Variants in CDCP2 observed in about 807,000 individuals in gnomAD.
CDCP2 encodes the protein CUB domain containing protein 2.
In CDCP2, 31 loss-of-function variants were observed where a neutral mutation model predicts 31.0. The ratio of observed to expected loss-of-function variants is 1.00; its 90% CI spans 0.75 to 1.35. CDCP2 has a LOEUF of 1.35. CDCP2 is among the 40% of genes most tolerant of loss of function. CDCP2 has a pLI of 0.00. For synonymous variants in CDCP2, 206 were observed against 207.9 expected (o/e 0.99, Z 0.08); for missense variants, 443 against 482.6 (o/e 0.92, Z 0.77).
intron 2 of CDCP2, chr1:54,142,723 C>T (rs1659395233): frequency 6.6e-6 from 1 of 152,206 alleles, no homozygotes; most frequent in African/African-American, 2.4e-5. Context: ...CTCAGGGACT[C>T]AGATTTTGTG....
At chr1:54,143,170 T>C (rs1008998213) in intron 2 of CDCP2, among the ~76,000 whole-genome samples, 5 of 152,010 alleles carry the variant, frequency 3.3e-5, no homozygotes, top group Non-Finnish European at 7.4e-5. Flanking sequence ...ATCCTGTCTC[T>C]ACCAAAAATA....
intron 1 of CDCP2, among the ~76,000 whole-genome samples, chr1:54,151,555 G>C (rs1659584217): frequency 6.6e-6 from 1 of 152,116 alleles, no homozygotes; most frequent in African/African-American, 2.4e-5. Flanking sequence ...TTACCCCAAG[G>C]CCCCTTAAGC....
intron 1 of CDCP2, among the ~76,000 whole-genome samples, chr1:54,151,864 G>A (rs1457276433): frequency 2.0e-5 from 3 of 152,188 alleles, no homozygotes; most frequent in Admixed American, 6.5e-5. Flanking sequence ...GTGGAAGGCC[G>A]ACGGAGGGAG....
intron 1 of CDCP2, among the ~76,000 whole-genome samples, chr1:54,151,613 C>A (rs1184411485): frequency 2.0e-5 from 3 of 152,184 alleles, no homozygotes; most frequent in Non-Finnish European, 2.9e-5. Context: ...ACCACCCAGG[C>A]ATGGGTTGAG....
downstream of CDCP2, chr1:54,132,859 A>G (rs926181525): frequency 5.0e-6 from 2 of 397,518 alleles, no homozygotes; most frequent in African/African-American, 4.1e-5. Context: ...TCAGAGAGGG[A>G]TATGACCTGC....
intron 4 of CDCP2, among the ~76,000 whole-genome samples, chr1:54,137,551 G>C (rs538708903): frequency 6.6e-6 from 1 of 152,194 alleles, no homozygotes; most frequent in Non-Finnish European, 1.5e-5. Context: ...GTGGCCAACC[G>C]GGTCGACAGG....
chr1:54,146,691 C>A (rs540803074), intron 1 of CDCP2, among the ~76,000 whole-genome samples: 1 of 151,836 alleles, frequency 6.6e-6, no homozygotes, highest in Non-Finnish European at 1.5e-5. Flanking sequence ...CTCTTTAGAG[C>A]AATGTCTGGT....
At chr1:54,136,504 G>A (rs1659260502) in intron 5 of CDCP2, 126 bp downstream of exon 5, 1 of 398,030 alleles carries the variant, frequency 2.5e-6, no homozygotes, top group South Asian at 1.4e-4. Flanking sequence ...CCAAGAAGGG[G>A]TTAGCTCTGC....
rs868600049 is a variant in CDCP2, at chr1:54,134,911, T to G, written c.1297-1617A>C. Among the ~76,000 whole-genome samples the G allele has an allele frequency of 3.2e-4, 49 of 152,244 alleles. No individual in the cohort carries two copies. The Middle Eastern group carries it at 0.014, about 42-fold the overall frequency. On this transcript the variant is annotated intron_variant, in intron 5 of 5. Coordinates refer to ENST00000530059, the Ensembl canonical transcript of CDCP2. ...CCGCCATGCCCAGCTAATTGTTGTA[T>G]TTTTAGTAGAGACGAGGTTTCATCA...
chr1:54,144,461 T>C lies in CDCP2; in HGVS notation c.427+5A>G, dbSNP rs1331576301. The C allele has an allele frequency of 6.4e-7, 1 of 1,565,274 alleles. No individual in the cohort carries two copies. The highest frequency in any genetic ancestry group is 1.3e-5 in the African/African-American group (1 of 74,132). ...TGCAACAGGTCCCTAAGGCCCCCCGTTGACCTTTCTGGTAGCCCGCAGAAA... is the reference window on the plus strand; with the variant it reads ...TGCAACAGGTCCCTAAGGCCCCCCGCTGACCTTTCTGGTAGCCCGCAGAAA... On this transcript the variant is annotated splice_donor_5th_base_variant and intron_variant, in intron 2 of 5. Transcript: ENST00000530059.
intron 5 of CDCP2, among the ~76,000 whole-genome samples, chr1:54,135,164 G>C (rs565998161): frequency 7.9e-5 from 12 of 151,348 alleles, no homozygotes; most frequent in Admixed American, 3.3e-4. Context: ...TAATAAGGAA[G>C]GGAGGGAAAA....
At chr1:54,140,165 T>C (rs1391552961) in intron 3 of CDCP2, 59 bp from the exon 4 acceptor site, 4 of 1,536,374 alleles carry the variant, frequency 2.6e-6, no homozygotes, top group Non-Finnish European at 3.6e-6. Flanking sequence ...GAAGTCACTC[T>C]CTGCAGTTAC....
At chr1:54,142,258 C>T (rs1659387739) in intron 2 of CDCP2, 1 of 152,250 alleles carries the variant, frequency 6.6e-6, no homozygotes, top group Non-Finnish European at 1.5e-5. Context: ...GATCAAACCT[C>T]CCTAATGGAT....
chr1:54,150,993 T>C (rs1442489967), intron 1 of CDCP2, among the ~76,000 whole-genome samples: 2 of 152,164 alleles, frequency 1.3e-5, no homozygotes, highest in South Asian at 2.1e-4. Context: ...ACAGCGTGAT[T>C]GCACTGTGGC....
chr1:54,150,644 T>A (rs1194505080), intron 1 of CDCP2, among the ~76,000 whole-genome samples: 1 of 151,302 alleles, frequency 6.6e-6, no homozygotes, highest in Non-Finnish European at 1.5e-5. Context: ...TAAGGAAAAA[T>A]CCCCTGTGGG....
At chr1:54,135,560 T>G (rs1445690264) in intron 5 of CDCP2, among the ~76,000 whole-genome samples, 1 of 152,190 alleles carries the variant, frequency 6.6e-6, no homozygotes, top group Admixed American at 6.5e-5. Flanking sequence ...CTATGAGTCA[T>G]TGGTTCTAGG....
At position 54,139,742 on chromosome 1, in the gene CDCP2, G is replaced by C. The variant is rs778662128; in HGVS notation, c.1117+11C>G. 1.2e-6 allele frequency: 2 copies of C among 1,614,218 alleles called. No individual in the cohort carries two copies. Among genetic ancestry groups the C allele is most frequent in the South Asian group, 2.2e-5 (2 of 91,076 alleles). On this transcript the variant is annotated intron_variant, in intron 4 of 5. Transcript: ENST00000530059. ...CGCCCTCAGTGGACCCACTCCCACA[G>C]CCCAGCTGACCTCCGATGTAGGCCA... is the stretch of plus-strand genomic sequence containing the variant.
chr1:54,141,420 G>A lies in CDCP2; in HGVS notation c.441C>T (p.Gly147=), dbSNP rs777650275. ...GGACCCCTGACAGGCCAGTCAGGACGCCGCCACACACATCTGCAAGGGAGC... is the reference window on the plus strand; with the variant it reads ...GGACCCCTGACAGGCCAGTCAGGACACCGCCACACACATCTGCAAGGGAGC... Residue 147 remains glycine (G), a synonymous_variant, in exon 3 of 6, where the codon GGC becomes GGT. Transcript: ENST00000530059. 101 of 1,605,096 alleles carry A rather than the reference G, an allele frequency of 6.3e-5. 1 individual carries two copies. Among genetic ancestry groups the A allele is most frequent in the Admixed American group, 2.0e-4 (12 of 58,798 alleles).
intron 5 of CDCP2, among the ~76,000 whole-genome samples, chr1:54,133,914 A>AAACAAACAAACAAACAAACAAAC (rs1275262427): frequency 6.8e-6 from 1 of 147,704 alleles, no homozygotes; most frequent in African/African-American, 2.5e-5. Flanking sequence ...ACAAACAAAC[A>AAACAAACAAACAAACAAACAAAC]AAAAAAACCC....
Sources: gnomAD v4.1 joint callset for allele counts (sites outside exome capture counted in the v4.1 genomes callset) on GRCh38, gnomAD v4.1.1 for gene constraint, MANE v1.5 for transcripts, NCBI Gene and HGNC (gene_info 2026-07-23, HGNC 2026-07-21) for gene names.